The following POT1 variants were observed in gnomAD, a reference collection of about 807,000 sequenced individuals.
POT1 encodes protection of telomeres 1, also known as protection of telomeres protein 1.
POT1 carries 47 observed loss-of-function variants against 78.5 expected under a neutral mutation model. The observed-to-expected ratio is 0.60, with a 90% confidence interval of 0.47 to 0.76. The LOEUF is 0.76. Ranked by LOEUF, POT1 falls within the 30% of genes least tolerant of loss-of-function variation. The pLI is 0.00. For missense variants in POT1, 646 were observed against 749.9 expected (o/e 0.86, Z 1.62); for synonymous variants, 259 against 260.7 (o/e 0.99, Z 0.06).
rs1233171904 is a variant in POT1 at position 124,853,022 on chromosome 7, C to T, written c.819G>A (p.Arg273=). The T allele has an allele frequency of 6.2e-7, 1 of 1,613,292 alleles. No homozygotes were observed. Among genetic ancestry groups the T allele is most frequent in the Non-Finnish European group, 8.5e-7 (1 of 1,179,520 alleles). Residue 273 remains arginine, a synonymous_variant, in exon 10 of 19, where the codon CGG becomes CGA. Transcript: ENST00000357628. The stretch of plus-strand genomic sequence containing the variant: ...TACTTTCTGGCAAGACCCTGATTCC[C>T]CGACCGTAACTGGTACCTCCATGAA... ...FHLHGGTSYG[R]GIRVLPESNS...
At chr7:124,832,714 G>A (rs962516919) in intron 15 of POT1, among the ~76,000 whole-genome samples, 14 of 151,474 alleles carry the variant, frequency 9.2e-5, no homozygotes, top group Admixed American at 2.0e-4. Flanking sequence ...GCTACTCGGC[G>A]GGGGGGTTGA....
chr7:124,822,715 A>G lies in POT1; in HGVS notation c.*1247T>C, dbSNP rs1000978344. The G allele has an allele frequency of 3.7e-6, 1 of 268,950 alleles. No individual in the cohort carries two copies. The highest frequency in any genetic ancestry group is 8.2e-6 in the Non-Finnish European group (1 of 121,702). 16.7% of individuals were successfully genotyped at this position (268,950 alleles called of 1,614,324 possible). ...AAAATCAGTCTTTCTCATTGTCTCA[A>G]ACAAGCTGATAAGTCGATGATGGGG... is the stretch of plus-strand genomic sequence containing the variant. On this transcript the variant is annotated 3_prime_UTR_variant, in exon 19 of 19. Transcript: ENST00000357628.
intron 6 of POT1, among the ~76,000 whole-genome samples, chr7:124,885,601 C>T (rs1336957120): frequency 1.3e-5 from 2 of 151,856 alleles, no homozygotes; most frequent in Non-Finnish European, 2.9e-5. Context: ...CCTGTCTCTA[C>T]TGAAAATACA....
chr7:124,894,485 T>G (rs1584793311), intron 5 of POT1, among the ~76,000 whole-genome samples: 1 of 151,788 alleles, frequency 6.6e-6, no homozygotes, highest in Non-Finnish European at 1.5e-5. Context: ...AACAACTTCT[T>G]GTTTGGCTTT....
chr7:124,900,849 T>C, intron 3 of POT1: 1 of 389,688 alleles, frequency 2.6e-6, no homozygotes, highest in Non-Finnish European at 5.3e-6. Flanking sequence ...CAGGAGATTA[T>C]ATCCCATGCC....
At chr7:124,913,353 C>T (rs1796937349) in intron 3 of POT1, among the ~76,000 whole-genome samples, 1 of 152,066 alleles carries the variant, frequency 6.6e-6, no homozygotes, top group African/African-American at 2.4e-5. Context: ...TTTAAGAAGT[C>T]CTTTATATAA....
Position 124,859,067 on chromosome 7 carries a change from T to G in POT1, c.592A>C (p.Ile198Leu), listed in dbSNP as rs1554425771. The G allele has an allele frequency of 1.2e-6, 2 of 1,607,904 alleles. No individual in the cohort carries two copies. Among genetic ancestry groups the G allele is most frequent in the Non-Finnish European group, 1.7e-6 (2 of 1,176,042 alleles). ...TCACCTTCAAGAACAAGGTCTTGTA[T>G]TAAGACTCTCCAAGATGGAAATGGT... ...RTPFPSWRVLIQDLVLEGDLS... is the reference protein window; with the variant it reads ...RTPFPSWRVLLQDLVLEGDLS... Residue 198 changes from isoleucine (I) to leucine (L), a missense_variant, in exon 9 of 19, where the codon ATA becomes CTA. This residue lies in a region of POT1 where 252 missense variants were observed against 341.4 expected (regional missense o/e 0.74). Coordinates refer to ENST00000357628, the MANE Select transcript of POT1 (RefSeq NM_015450.3).
chr7:124,892,585 T>C (rs918624170), intron 5 of POT1: 2 of 350,462 alleles, frequency 5.7e-6, no homozygotes, highest in Non-Finnish European at 1.0e-5. Context: ...TGGTACAATT[T>C]GCACACTAGC....
In POT1 at chr7:124,851,686, T is replaced by C. The variant is rs191319971; in HGVS notation, c.949+186A>G. On this transcript the variant is annotated intron_variant, in intron 11 of 18. Transcript: ENST00000357628. ...CTACCACCCAATTTGAAAACGTAAT[T>C]ATATAATTTAGGAAGAAACCATGTT... is the stretch of plus-strand genomic sequence containing the variant. 79 of 582,350 alleles carry C rather than the reference T, an allele frequency of 1.4e-4. 1 individual carries two copies. The highest frequency in any genetic ancestry group is 1.2e-3 in the African/African-American group (65 of 53,242). 36.1% of individuals were successfully genotyped at this position (582,350 alleles called of 1,614,324 possible).
At chr7:124,845,280 T>C (rs1795137726) in intron 12 of POT1, among the ~76,000 whole-genome samples, 1 of 152,242 alleles carries the variant, frequency 6.6e-6, no homozygotes, top group South Asian at 2.1e-4. Flanking sequence ...CATGTCTCTT[T>C]AGACTTCTTT....
chr7:124,887,456 C>G (rs569935576), intron 6 of POT1, among the ~76,000 whole-genome samples: 2 of 152,016 alleles, frequency 1.3e-5, no homozygotes, highest in South Asian at 4.1e-4. Flanking sequence ...ATGCTGACCA[C>G]AAGAAAAAGA....
chr7:124,924,001 G>A (rs1023786776), intron 2 of POT1, among the ~76,000 whole-genome samples: 3 of 151,200 alleles, frequency 2.0e-5, no homozygotes, highest in African/African-American at 4.8e-5. Flanking sequence ...AGCAAACAAC[G>A]CGGGACTCAG....
chr7:124,885,682 C>T (rs1413337201), intron 6 of POT1, among the ~76,000 whole-genome samples: 2 of 151,960 alleles, frequency 1.3e-5, no homozygotes, highest in African/African-American at 2.4e-5. Context: ...AGGAGAATGG[C>T]GTGAACCCAG....
chr7:124,915,889 C>A (rs1368142202), intron 2 of POT1, among the ~76,000 whole-genome samples: 1 of 152,118 alleles, frequency 6.6e-6, no homozygotes. Context: ...TAGTTAAGTA[C>A]TATCAGTTCC....
In POT1 at chr7:124,926,180, A is replaced by T. The variant is rs1428685310; in HGVS notation, c.-227+2635T>A. Among the ~76,000 whole-genome samples the T allele has an allele frequency of 2.0e-5, 3 of 152,184 alleles. No homozygotes were observed. The East Asian group carries it at 5.8e-4, about 29-fold the overall frequency. ...ATGAACAATCTCAGGAATGAGAGAA[A>T]ATATTTGCAAACTATACATTCAACA... On this transcript the variant is annotated intron_variant, in intron 2 of 18. Coordinates refer to ENST00000357628, the MANE Select transcript of POT1 (RefSeq NM_015450.3).
At chr7:124,843,596 G>T (rs557847748) in intron 12 of POT1, among the ~76,000 whole-genome samples, 1 of 152,244 alleles carries the variant, frequency 6.6e-6, no homozygotes, top group Admixed American at 6.5e-5. Context: ...AGGAGCAATT[G>T]CCTGGGAAAT....
chr7:124,839,184 T>C (rs1164013043), intron 14 of POT1, among the ~76,000 whole-genome samples: 2 of 152,088 alleles, frequency 1.3e-5, no homozygotes, highest in Admixed American at 1.3e-4. Flanking sequence ...GGCAATTCAA[T>C]GGAGAAGGAA....
At chr7:124,875,383 A>C (rs1391635488) in intron 6 of POT1, among the ~76,000 whole-genome samples, 1 of 152,194 alleles carries the variant, frequency 6.6e-6, no homozygotes, top group Non-Finnish European at 1.5e-5. Flanking sequence ...GGATGATACA[A>C]GAATGAAATA....
chr7:124,856,323 C>T (rs1176192043), intron 9 of POT1, among the ~76,000 whole-genome samples: 3 of 152,074 alleles, frequency 2.0e-5, no homozygotes, highest in Non-Finnish European at 4.4e-5. Context: ...AATGTGATGT[C>T]AATGTGTATT....
Sources: allele counts gnomAD v4.1 joint callset (sites outside exome capture counted in the v4.1 genomes callset), GRCh38; gene constraint gnomAD v4.1.1; regional missense constraint gnomAD v4.1.1; transcripts MANE v1.5; gene names NCBI Gene and HGNC (gene_info 2026-07-23, HGNC 2026-07-21).